Variants in MMP16 observed in about 807,000 individuals in gnomAD.
The protein encoded by MMP16 is matrix metallopeptidase 16.
Under a neutral mutation model 67.8 loss-of-function variants are expected in MMP16, and 12 were observed. The ratio of observed to expected loss-of-function variants is 0.18; its 90% confidence interval spans 0.11 to 0.29. The LOEUF is 0.29. MMP16 is among the 10% of genes least tolerant of loss of function. The pLI, the probability that MMP16 is intolerant of heterozygous loss-of-function variation, is 1.00. For missense variants in MMP16, 475 were observed against 765.7 expected, an observed-to-expected ratio of 0.62 and a Z score of 4.48; for synonymous variants, 249 against 255.9, an observed-to-expected ratio of 0.97 and a Z score of 0.26.
intron 6 of MMP16, among the ~76,000 whole-genome samples, chr8:88,081,087 GAAGGC>G (rs1390268300): frequency 6.6e-6 from 1 of 152,032 alleles, no homozygotes; most frequent in Non-Finnish European, 1.5e-5. Context: ...GTGGAGTTTG[GAAGGC>G]AGCAGTGAAC....
intron 1 of MMP16, among the ~76,000 whole-genome samples, chr8:88,207,275 G>A (rs1013793994): frequency 6.6e-6 from 1 of 152,094 alleles, no homozygotes; most frequent in Non-Finnish European, 1.5e-5. Flanking sequence ...AATAATAACT[G>A]CATAAAATTA....
rs373700814 is a variant in MMP16, at chr8:88,036,986, C to G, written c.*4475G>C. The G allele has an allele frequency of 1.3e-5, 2 of 151,102 alleles. No individual in the cohort carries two copies. Among genetic ancestry groups the G allele is most frequent in the Non-Finnish European group, 1.5e-5 (1 of 67,602 alleles). 9.4% of individuals were successfully genotyped at this position (151,102 alleles called of 1,614,324 possible). On this transcript the variant is annotated 3_prime_UTR_variant, in exon 10 of 10. Transcript: ENST00000286614. ...CTTTAAAATATATATTTTTTCATGA[C>G]TCAGTTTAACTCAGTCTGTCTGTCT...
intron 6 of MMP16, among the ~76,000 whole-genome samples, chr8:88,080,107 G>A (rs1465244480): frequency 6.6e-6 from 1 of 152,140 alleles, no homozygotes; most frequent in African/African-American, 2.4e-5. Flanking sequence ...TCCACTGTAT[G>A]ATATGCTCCA....
chr8:88,288,413 TG>T (rs1274842981), intron 1 of MMP16, among the ~76,000 whole-genome samples: 2 of 152,148 alleles, frequency 1.3e-5, no homozygotes, highest in Non-Finnish European at 2.9e-5. Context: ...GACAGTGGGT[TG>T]TTGGCATCAA....
intron 4 of MMP16, among the ~76,000 whole-genome samples, chr8:88,124,407 C>A (rs1229927739): frequency 1.3e-5 from 2 of 151,928 alleles, no homozygotes; most frequent in Non-Finnish European, 1.5e-5. Flanking sequence ...CTTTCATTGA[C>A]AATGGAACTT....
At position 88,073,198 on chromosome 8, in the gene MMP16, A is replaced by C. The variant is rs16877602; in HGVS notation, c.1222+1407T>G. ...GAGAGGGGAATTTCCCTCCAATATC[A>C]TGTCACTAAAATTCACAGCCTTTAG... On this transcript the variant is annotated intron_variant, in intron 7 of 9. Transcript: ENST00000286614. Among the ~76,000 whole-genome samples, 1,438 of 152,264 alleles carry C rather than the reference A, an allele frequency of 9.4e-3. 23 individuals carry two copies. Among genetic ancestry groups the C allele is most frequent in the African/African-American group, 0.032 (1,320 of 41,560 alleles).
intron 1 of MMP16, among the ~76,000 whole-genome samples, chr8:88,255,992 G>T (rs983402857): frequency 6.6e-6 from 1 of 152,056 alleles, no homozygotes; most frequent in African/African-American, 2.4e-5. Context: ...TCTTCTCTTG[G>T]TTGAATCTCA....
chr8:88,144,255 T>C (rs1326653709), intron 4 of MMP16, among the ~76,000 whole-genome samples: 1 of 152,000 alleles, frequency 6.6e-6, no homozygotes, highest in South Asian at 2.1e-4. Context: ...CTTGATCTAA[T>C]ATTCTATCCA....
At chr8:88,146,803 T>C (rs1163851936) in intron 4 of MMP16, among the ~76,000 whole-genome samples, 25 of 151,740 alleles carry the variant, frequency 1.6e-4, no homozygotes, top group Admixed American at 1.6e-3. Context: ...AAAAAAAAAC[T>C]ATTTGGTAAA....
At chr8:88,282,638 GT>G (rs1810759744) in intron 1 of MMP16, among the ~76,000 whole-genome samples, 1 of 152,122 alleles carries the variant, frequency 6.6e-6, no homozygotes, top group Non-Finnish European at 1.5e-5. Flanking sequence ...AATTAGAAAT[GT>G]TTTTATTGAA....
At chr8:88,161,616 C>A (rs1004385060) in intron 4 of MMP16, among the ~76,000 whole-genome samples, 6 of 151,984 alleles carry the variant, frequency 3.9e-5, no homozygotes, top group Non-Finnish European at 8.8e-5. Context: ...TTTGCTCTTG[C>A]TTCTCTAGTT....
At chr8:88,252,366 T>G (rs1405224345) in intron 1 of MMP16, among the ~76,000 whole-genome samples, 2 of 152,114 alleles carry the variant, frequency 1.3e-5, no homozygotes, top group Non-Finnish European at 2.9e-5. Context: ...AATGGACAAC[T>G]GTAGCCCTCC....
chr8:88,231,280 G>A (rs1034084480), intron 1 of MMP16, among the ~76,000 whole-genome samples: 11 of 152,166 alleles, frequency 7.2e-5, no homozygotes, highest in Middle Eastern at 6.8e-3. Context: ...AAAACTGAGC[G>A]GTTCTAGATA....
At chr8:88,180,267 G>A (rs1290745492) in intron 3 of MMP16, among the ~76,000 whole-genome samples, 1 of 150,828 alleles carries the variant, frequency 6.6e-6, no homozygotes, top group African/African-American at 2.4e-5. Context: ...GGCAACAAGA[G>A]TGAAACTCCG....
chr8:88,119,437 G>C (rs1478462421), intron 4 of MMP16, among the ~76,000 whole-genome samples: 1 of 151,904 alleles, frequency 6.6e-6, no homozygotes, highest in Non-Finnish European at 1.5e-5. Context: ...AAATCTATAG[G>C]CTATTAGTCA....
chr8:88,109,519 A>G (rs1386436106), intron 6 of MMP16, among the ~76,000 whole-genome samples: 1 of 151,352 alleles, frequency 6.6e-6, no homozygotes, highest in African/African-American at 2.4e-5. Context: ...AAAGTTTAAA[A>G]AGGGAATAAT....
intron 6 of MMP16, among the ~76,000 whole-genome samples, chr8:88,101,707 C>T (rs1809148173): frequency 6.6e-6 from 1 of 151,930 alleles, no homozygotes; most frequent in Non-Finnish European, 1.5e-5. Flanking sequence ...AAAATGCTTG[C>T]TGCCCTTTGA....
chr8:88,219,053 G>C lies in MMP16; in HGVS notation c.133-21747C>G, dbSNP rs181365754. Among the ~76,000 whole-genome samples, 26 of 151,870 alleles carry C rather than the reference G, an allele frequency of 1.7e-4. 1 individual carries two copies. The highest frequency in any genetic ancestry group is 5.8e-4 in the African/African-American group (24 of 41,440). ...TCGGGCCTCACACAACTTTCATGCTGGTGAGGTAAGAAAGATAATAAATAA... is the reference window on the plus strand; with the variant it reads ...TCGGGCCTCACACAACTTTCATGCTCGTGAGGTAAGAAAGATAATAAATAA... On this transcript the variant is annotated intron_variant, in intron 1 of 9. Transcript: ENST00000286614.
rs776396342 is a variant in MMP16, at chr8:88,327,072, T to C, written c.132+3A>G. On this transcript the variant is annotated splice_donor_region_variant and intron_variant, in intron 1 of 9. Coordinates refer to ENST00000286614, the MANE Select transcript of MMP16 (RefSeq NM_005941.5). The stretch of plus-strand genomic sequence containing the variant: ...GGGAGGAAGAAAGCCCTCGCACTCT[T>C]ACCTCCACATTGAAATACTGCTCCG... 2.5e-6 allele frequency: 4 copies of C among 1,613,718 alleles called. No individual in the cohort carries two copies. The Admixed American group carries it at 6.7e-5, about 27-fold the overall frequency.
Sources: allele counts gnomAD v4.1 joint callset (sites outside exome capture counted in the v4.1 genomes callset), GRCh38; gene constraint gnomAD v4.1.1; transcripts MANE v1.5; gene names NCBI Gene and HGNC (gene_info 2026-07-23, HGNC 2026-07-21).